The following TENM3 variants were observed in gnomAD, a reference collection of about 807,000 sequenced individuals.
TENM3 encodes teneurin-3.
Under a neutral mutation model 255.1 loss-of-function variants are expected in TENM3, and 63 were observed. The observed-to-expected ratio is 0.25, with a 90% CI of 0.20 to 0.30. The LOEUF (loss-of-function observed/expected upper bound fraction) is 0.30. TENM3 is among the 10% of genes least tolerant of loss of function. The pLI is 1.00. For synonymous variants in TENM3, 1,306 were observed against 1,322.3 expected, an observed-to-expected ratio of 0.99 and a Z score of 0.27; for missense variants, 2,929 against 3,461.1, an observed-to-expected ratio of 0.85 and a Z score of 3.86.
At chr4:182,404,936 A>G (rs1769457020) in intron 3 of TENM3, among the ~76,000 whole-genome samples, 1 of 151,816 alleles carries the variant, frequency 6.6e-6, no homozygotes, top group African/African-American at 2.4e-5. Flanking sequence ...CACAGCGCTG[A>G]CTCTCTCCCT....
chr4:182,730,907 C>G lies in TENM3; in HGVS notation c.2735C>G (p.Ser912Cys). The change falls in exon 16 of 28, where the codon TCT becomes TGT. Residue 912 changes from serine to cysteine, a missense_variant. Physicochemically the swap from Ser to Cys is moderately radical, Grantham distance 112 (BLOSUM62 -1). Around this residue, in one of 6 missense-constraint regions of TENM3, gnomAD observed 1,608 missense variants for 1,884.4 expected, o/e 0.85. Transcript: ENST00000511685. Reference sequence around the variant, plus strand: ...GACTTGGTGGCAAATGGTGGGGCCTCTCTAACTTTGGTATTTGAACGATCC... The same window carrying G: ...GACTTGGTGGCAAATGGTGGGGCCTGTCTAACTTTGGTATTTGAACGATCC... Reference protein sequence around the residue: ...MFDLVANGGASLTLVFERSPF... With the variant: ...MFDLVANGGACLTLVFERSPF... The G allele has an allele frequency of 6.2e-7, 1 of 1,613,924 alleles. No individual in the cohort carries two copies. Among genetic ancestry groups the G allele is most frequent in the Non-Finnish European group, 8.5e-7 (1 of 1,179,848 alleles).
the TENM3 span, among the ~76,000 whole-genome samples, chr4:181,807,073 G>A: frequency 5.2e-4 from 79 of 152,184 alleles, no homozygotes; most frequent in Non-Finnish European, 7.1e-4. Context: ...GAAGTTTCCC[G>A]TCTCAGATAC....
chr4:182,429,674 C>T (rs921030541), intron 3 of TENM3, among the ~76,000 whole-genome samples: 1 of 152,044 alleles, frequency 6.6e-6, no homozygotes, highest in Admixed American at 6.5e-5. Context: ...TCTTTATTAC[C>T]ATGGAATCCA....
chr4:182,158,729 C>T (rs1457248081), intron 1 of TENM3, among the ~76,000 whole-genome samples: 1 of 152,150 alleles, frequency 6.6e-6, no homozygotes, highest in Non-Finnish European at 1.5e-5. Context: ...AGAGTCAATA[C>T]AAGGCTCTTG....
At chr4:182,770,078 T>C (rs9994590) in intron 22 of TENM3, among the ~76,000 whole-genome samples, 45,245 of 148,112 alleles carry the variant, frequency 0.31, 7,100 homozygotes, top group African/African-American at 0.35. Flanking sequence ...TGCATTCCAG[T>C]CTGGGCGACA....
At chr4:182,183,496 T>C (rs536090706) in intron 1 of TENM3, among the ~76,000 whole-genome samples, 1 of 152,278 alleles carries the variant, frequency 6.6e-6, no homozygotes, top group East Asian at 1.9e-4. Flanking sequence ...TTGGGAGAAA[T>C]AATTTCTACT....
the TENM3 span, among the ~76,000 whole-genome samples, chr4:181,623,274 C>T: frequency 6.6e-6 from 1 of 152,134 alleles, no homozygotes; most frequent in African/African-American, 2.4e-5. Flanking sequence ...TAATACCTAC[C>T]TCATAGGCTC....
At chr4:182,045,394 T>TG in the TENM3 span, among the ~76,000 whole-genome samples, 1 of 130,032 alleles carries the variant, frequency 7.7e-6, no homozygotes, top group Non-Finnish European at 1.6e-5. Context: ...CTAGCCTCAA[T>TG]TAAAAAAAAA....
intron 1 of TENM3, among the ~76,000 whole-genome samples, chr4:182,293,762 G>T (rs59577089): frequency 6.6e-6 from 1 of 151,840 alleles, no homozygotes; most frequent in African/African-American, 2.4e-5. Flanking sequence ...CCCACCCCGA[G>T]TCCCTTCCAA....
chr4:182,196,212 C>A (rs1753825551), intron 1 of TENM3, among the ~76,000 whole-genome samples: 1 of 152,114 alleles, frequency 6.6e-6, no homozygotes, highest in African/African-American at 2.4e-5. Flanking sequence ...ACCTGCCTAC[C>A]ATTTCCCCGG....
chr4:182,207,771 T>C (rs748373556), intron 1 of TENM3, among the ~76,000 whole-genome samples: 60 of 152,346 alleles, frequency 3.9e-4, no homozygotes, highest in Middle Eastern at 3.4e-3. Context: ...AAAATGCCGA[T>C]TTTCTGGAAA....
intron 1 of TENM3, among the ~76,000 whole-genome samples, chr4:182,262,280 G>A (rs1358884641): frequency 1.3e-5 from 2 of 152,156 alleles, no homozygotes; most frequent in African/African-American, 4.8e-5. Context: ...AAACATGTCA[G>A]AGGTGTTGTG....
At chr4:181,967,275 A>G in the TENM3 span, among the ~76,000 whole-genome samples, 1 of 152,150 alleles carries the variant, frequency 6.6e-6, no homozygotes, top group East Asian at 1.9e-4. Flanking sequence ...ACAGCCACCC[A>G]TGTGTCAGGT....
chr4:182,392,857 T>G (rs1414486312), intron 3 of TENM3, among the ~76,000 whole-genome samples: 1 of 151,906 alleles, frequency 6.6e-6, no homozygotes, highest in Non-Finnish European at 1.5e-5. Flanking sequence ...AGCTATTTTT[T>G]AATGAAGTTT....
At chr4:181,751,652 G>A in the TENM3 span, among the ~76,000 whole-genome samples, 1 of 152,108 alleles carries the variant, frequency 6.6e-6, no homozygotes, top group Non-Finnish European at 1.5e-5. Flanking sequence ...TAGCGGGCAT[G>A]AGCACCAGCC....
At chr4:182,740,438 A>G (rs912416080) in intron 18 of TENM3, among the ~76,000 whole-genome samples, 2 of 152,256 alleles carry the variant, frequency 1.3e-5, no homozygotes, top group Non-Finnish European at 2.9e-5. Context: ...CAAACATGCT[A>G]GTAGCTGCTC....
chr4:181,744,330 G>T, the TENM3 span, among the ~76,000 whole-genome samples: 2 of 152,174 alleles, frequency 1.3e-5, no homozygotes, highest in African/African-American at 4.8e-5. Context: ...ATTCCTTTGG[G>T]TATATATATA....
the TENM3 span, among the ~76,000 whole-genome samples, chr4:181,901,014 A>G: frequency 6.6e-6 from 1 of 152,158 alleles, no homozygotes; most frequent in Non-Finnish European, 1.5e-5. Context: ...TTGGAGCCCA[A>G]TTTTTAGTAC....
chr4:182,476,008 A>T (rs1733655631), intron 3 of TENM3, among the ~76,000 whole-genome samples: 1 of 152,152 alleles, frequency 6.6e-6, no homozygotes. Flanking sequence ...ATTTTGTGTA[A>T]ATTACTTAGA....
Sources: allele counts gnomAD v4.1 joint callset (sites outside exome capture counted in the v4.1 genomes callset), GRCh38; gene constraint gnomAD v4.1.1; regional missense constraint gnomAD v4.1.1; transcripts MANE v1.5; gene names NCBI Gene and HGNC (gene_info 2026-07-23, HGNC 2026-07-21).